Variants in GATM observed in about 807,000 individuals in gnomAD.
GATM encodes the protein glycine amidinotransferase, mitochondrial.
In GATM, 23 loss-of-function variants were observed where a neutral mutation model predicts 54.2. The ratio of observed to expected loss-of-function variants is 0.42; its 90% CI spans 0.31 to 0.60. The LOEUF is 0.60. Among genes scored for constraint, GATM ranks in the 20% least tolerant of loss-of-function variants. GATM has a pLI of 0.14. For missense variants in GATM, 401 were observed against 544.9 expected (o/e 0.74, Z 2.63); for synonymous variants, 168 against 183.1 (o/e 0.92, Z 0.67).
chr15:45,386,741 G>A (rs577775062), intron 3 of GATM, among the ~76,000 whole-genome samples: 1 of 152,318 alleles, frequency 6.6e-6, no homozygotes, highest in African/African-American at 2.4e-5. Flanking sequence ...GGGAATTGAA[G>A]AAGTAACATT....
rs1490063106 is a variant in GATM at position 45,361,624 on chromosome 15, C to T, written c.*485G>A. The T allele has an allele frequency of 3.9e-6, 1 of 256,500 alleles. No homozygotes were observed. Among genetic ancestry groups the T allele is most frequent in the East Asian group, 7.2e-5 (1 of 13,914 alleles). 15.9% of individuals were successfully genotyped at this position (256,500 alleles called of 1,614,324 possible). On this transcript the variant is annotated 3_prime_UTR_variant, in exon 9 of 9. Coordinates refer to ENST00000396659, the MANE Select transcript of GATM (RefSeq NM_001482.3). ...GTTCTACTTAGGATCTGTGTATGTT[C>T]TAAGTCTTTCTCTCCTTTAGAAAAA...
Position 45,361,498 on chromosome 15 carries a change from G to C in GATM, c.*611C>G, listed in dbSNP as rs1889363193. 6.5e-6 allele frequency: 1 copy of C among 153,726 alleles called. No individual in the cohort carries two copies. Among genetic ancestry groups the C allele is most frequent in the Non-Finnish European group, 1.4e-5 (1 of 69,212 alleles). The allele number at this position is 153,726 out of a possible 1,614,324, so 9.5% of individuals were successfully genotyped here. On this transcript the variant is annotated 3_prime_UTR_variant, in exon 9 of 9. Transcript: ENST00000396659. ...GATGAGAATATTAAAAACATTCATGGAAAATTCACTTTGATGTTTTGCATA... is the reference window on the plus strand; with the variant it reads ...GATGAGAATATTAAAAACATTCATGCAAAATTCACTTTGATGTTTTGCATA...
chr15:45,365,759 G>C (rs755854147), intron 6 of GATM, among the ~76,000 whole-genome samples: 2 of 152,158 alleles, frequency 1.3e-5, no homozygotes, highest in Non-Finnish European at 2.9e-5. Context: ...TAACACCATC[G>C]TTTGATAAAA....
At chr15:45,364,700 T>C in intron 7 of GATM, 97 bp downstream of exon 7, 1 of 1,078,804 alleles carries the variant, frequency 9.3e-7, no homozygotes. Flanking sequence ...AAACACATTC[T>C]CTAAGCTGCT....
rs139429785 is a variant in GATM, at chr15:45,368,298, G to A, written c.485-38C>T. On this transcript the variant is annotated intron_variant, in intron 3 of 8. Coordinates refer to ENST00000396659, the MANE Select transcript of GATM (RefSeq NM_001482.3). This position sits in a 1 kb window ranked among gnomAD's most constrained non-coding sequence, Gnocchi z 5.1. ...AAAATTCCATGACAACTTCAGTAGT[G>A]TTAATTTCCAAGACAAAAAAGGTCT... The A allele has an allele frequency of 6.3e-7, 1 of 1,589,312 alleles. No homozygotes were observed. The highest frequency in any genetic ancestry group is 8.6e-7 in the Non-Finnish European group (1 of 1,160,044).
At chr15:45,394,031 A>G (rs546257681) in intron 3 of GATM, among the ~76,000 whole-genome samples, 1 of 152,324 alleles carries the variant, frequency 6.6e-6, no homozygotes, top group East Asian at 1.9e-4. Context: ...TGACTAACAC[A>G]TAGCATCAAC....
At chr15:45,391,461 G>T (rs1442831291) in intron 3 of GATM, among the ~76,000 whole-genome samples, 1 of 152,192 alleles carries the variant, frequency 6.6e-6, no homozygotes, top group East Asian at 1.9e-4. Flanking sequence ...ATAATGCCAT[G>T]AAGAGAGCTG....
chr15:45,378,716 T>G, upstream of GATM: 7 of 357,758 alleles, frequency 2.0e-5, no homozygotes, highest in East Asian at 1.0e-4. Flanking sequence ...TGCCCTTTTT[T>G]AGCCAGCGGG....
exon 1 of GATM, chr15:45,402,149 C>T (rs573102364): frequency 2.1e-6 from 1 of 486,806 alleles, no homozygotes; most frequent in East Asian, 3.9e-5. Flanking sequence ...GTGAAGTGAG[C>T]TTAAGCCGCC....
At chr15:45,395,990 T>C (rs1889924074) in intron 3 of GATM, among the ~76,000 whole-genome samples, 1 of 152,218 alleles carries the variant, frequency 6.6e-6, no homozygotes, top group African/African-American at 2.4e-5. Flanking sequence ...ACAGAGCACC[T>C]GGAGAAGAGC....
At chr15:45,392,323 C>G (rs573487744) in intron 3 of GATM, among the ~76,000 whole-genome samples, 1 of 152,172 alleles carries the variant, frequency 6.6e-6, no homozygotes, top group Non-Finnish European at 1.5e-5. Context: ...ATTCTCTCTA[C>G]GTGACTACAA....
Position 45,368,099 on chromosome 15 carries a change from G to T in GATM, c.646C>A (p.Pro216Thr). ...RGAKWTTAPK[P>T]TMADELYNQD... Reference sequence around the variant, plus strand: ...TTATAAAGCTCATCAGCCATTGTGGGCTTAGGAGCTGTTGTCCACTTGGCG... The same window carrying T: ...TTATAAAGCTCATCAGCCATTGTGGTCTTAGGAGCTGTTGTCCACTTGGCG... The change falls in exon 4 of 9, where the codon CCC (proline) becomes ACC (threonine). Residue 216 changes from proline to threonine, a missense_variant. Physicochemically the swap from Pro to Thr is conservative, Grantham distance 38. This residue lies in a region of GATM where 321 missense variants were observed against 457.5 expected (regional missense o/e 0.70). Coordinates refer to ENST00000396659, the MANE Select transcript of GATM (RefSeq NM_001482.3). The surrounding 1 kb of genome is among the most constrained non-coding windows in gnomAD (Gnocchi z 5.1). 3 of 1,614,104 alleles carry T rather than the reference G, an allele frequency of 1.9e-6. No homozygotes were observed. The highest frequency in any genetic ancestry group is 2.5e-6 in the Non-Finnish European group (3 of 1,180,010).
chr15:45,367,134 A>G (rs1454562982), intron 4 of GATM, among the ~76,000 whole-genome samples: 1 of 152,140 alleles, frequency 6.6e-6, no homozygotes, highest in Non-Finnish European at 1.5e-5. Context: ...TGAGGTCAGG[A>G]GTTCGAGACC....
intron 2 of GATM, among the ~76,000 whole-genome samples, chr15:45,399,314 A>G (rs1343805876): frequency 3.9e-5 from 6 of 152,240 alleles, no homozygotes; most frequent in Non-Finnish European, 8.8e-5. Context: ...AAAATAAGTC[A>G]GTTACTGCTA....
At position 45,368,770 on chromosome 15, in the gene GATM, G is replaced by C. The variant is rs1889490697; in HGVS notation, c.485-510C>G. ...AATTGTGTGGTGGGGGGGAAGCCCA[G>C]AAAAAAAAGAAAAGAAAAAAAAGTG... On this transcript the variant is annotated intron_variant, in intron 3 of 8. Coordinates refer to ENST00000396659, the MANE Select transcript of GATM (RefSeq NM_001482.3). The surrounding 1 kb of genome is among the most constrained non-coding windows in gnomAD (Gnocchi z 5.1). Among the ~76,000 whole-genome samples the C allele has an allele frequency of 6.7e-6, 1 of 148,946 alleles. No homozygotes were observed. The highest frequency in any genetic ancestry group is 2.1e-4 in the South Asian group (1 of 4,704).
At chr15:45,394,708 T>C (rs1000272552) in intron 3 of GATM, among the ~76,000 whole-genome samples, 1 of 152,144 alleles carries the variant, frequency 6.6e-6, no homozygotes, top group African/African-American at 2.4e-5. Flanking sequence ...CTCTCACATA[T>C]TTTAGGGTGT....
intron 3 of GATM, among the ~76,000 whole-genome samples, chr15:45,392,101 A>G (rs1034980817): frequency 1.6e-4 from 25 of 152,256 alleles, no homozygotes; most frequent in African/African-American, 6.0e-4. Context: ...TGTAACTCAT[A>G]GAGTTATGAT....
chr15:45,396,456 G>A (rs547876175), intron 3 of GATM, among the ~76,000 whole-genome samples: 5 of 152,140 alleles, frequency 3.3e-5, no homozygotes, highest in South Asian at 4.1e-4. Context: ...GGACATTTTC[G>A]CAATGATCCA....
At chr15:45,380,176 G>A (rs1182344348), upstream of GATM, 1 of 130,488 alleles carries the variant, frequency 7.7e-6, no homozygotes, top group African/African-American at 2.9e-5. Flanking sequence ...GTGGGTGCCT[G>A]TAATCCCAGC....
Sources: allele counts gnomAD v4.1 joint callset (sites outside exome capture counted in the v4.1 genomes callset), GRCh38; gene constraint gnomAD v4.1.1; regional missense constraint gnomAD v4.1.1; non-coding constraint Gnocchi (gnomAD v3.1); transcripts MANE v1.5; gene names NCBI Gene and HGNC (gene_info 2026-07-23, HGNC 2026-07-21).